Variants in NAALADL2 observed in about 807,000 individuals in gnomAD.
NAALADL2 encodes the protein N-acetylated alpha-linked acidic dipeptidase like 2.
A neutral mutation model predicts 87.2 loss-of-function variants in NAALADL2; 76 were observed. That is an observed-to-expected ratio of 0.87 (90% CI 0.72 to 1.05). The LOEUF (loss-of-function observed/expected upper bound fraction) is 1.05, where lower values mean the gene tolerates loss of function less well. Among genes scored for constraint, NAALADL2 ranks in the 50% least tolerant of loss-of-function variants. The pLI is 0.00. For synonymous variants in NAALADL2, 354 were observed against 331.0 expected (o/e 1.07, Z -0.75); for missense variants, 1,089 against 945.8 (o/e 1.15, Z -1.99).
intron 4 of NAALADL2, among the ~76,000 whole-genome samples, chr3:175,279,160 G>A (rs1753963692): frequency 6.6e-6 from 1 of 152,146 alleles, no homozygotes; most frequent in Non-Finnish European, 1.5e-5. Context: ...TAATGCGCCT[G>A]ACAGTGACAA....
chr3:174,974,008 A>G (rs1744040566), intron 1 of NAALADL2, among the ~76,000 whole-genome samples: 1 of 152,092 alleles, frequency 6.6e-6, no homozygotes, highest in Admixed American at 6.6e-5. Flanking sequence ...CACCCAGTGG[A>G]TTTTTCTACA....
chr3:174,792,037 T>C (rs1578948502), intron 3 of NAALADL2, among the ~76,000 whole-genome samples: 1 of 151,616 alleles, frequency 6.6e-6, no homozygotes, highest in Non-Finnish European at 1.5e-5. Flanking sequence ...GGTGAAACTC[T>C]ATCTCTACTA....
rs897441594 is a variant in NAALADL2 at position 174,879,671 on chromosome 3, AT to A, written c.43+20229del. On this transcript the variant is annotated intron_variant, in intron 1 of 13. Coordinates refer to ENST00000454872, the MANE Select transcript of NAALADL2 (RefSeq NM_207015.3). ...ACTTCAGGTGAATGAGATATTCATA[AT>A]TTTTTTTGGCCTCACTACTCATCTC... Among the ~76,000 whole-genome samples, 444 of 151,860 alleles carry A rather than the reference AT, an allele frequency of 2.9e-3. 2 individuals carry two copies. The highest frequency in any genetic ancestry group is 0.01 in the African/African-American group (428 of 41,476).
intron 1 of NAALADL2, among the ~76,000 whole-genome samples, chr3:174,526,567 C>T (rs1560031565): frequency 6.6e-6 from 1 of 151,996 alleles, no homozygotes; most frequent in Non-Finnish European, 1.5e-5. Flanking sequence ...GAATCACTTT[C>T]ATAATTTTTC....
chr3:174,793,716 C>T (rs1347024454), intron 3 of NAALADL2, among the ~76,000 whole-genome samples: 2 of 151,944 alleles, frequency 1.3e-5, no homozygotes, highest in Middle Eastern at 3.2e-3. Context: ...ATTCCCGTGG[C>T]TATCTCTCTC....
Position 175,803,015 on chromosome 3 carries a change from T to C in NAALADL2, c.2200T>C (p.Tyr734His). The C allele has an allele frequency of 6.2e-7, 1 of 1,609,564 alleles. No individual in the cohort carries two copies. Among genetic ancestry groups the C allele is most frequent in the Non-Finnish European group, 8.5e-7 (1 of 1,176,576 alleles). Residue 734 changes from tyrosine to histidine, a missense_variant, in exon 14 of 14, where the codon TAC (tyrosine) becomes CAC (histidine). Coordinates refer to ENST00000454872, the MANE Select transcript of NAALADL2 (RefSeq NM_207015.3). ...TGTATTTCTTTTCAGAAACATCCTC[T>C]ACCACCTTGATGAAAAGACAAGCCG... ...APPGFYRNILYHLDEKTSRFS... is the reference protein window; with the variant it reads ...APPGFYRNILHHLDEKTSRFS...
intron 11 of NAALADL2, among the ~76,000 whole-genome samples, chr3:175,633,790 T>C (rs1055345590): frequency 5.9e-5 from 9 of 151,666 alleles, no homozygotes; most frequent in Non-Finnish European, 8.9e-5. Context: ...ATTAATGATA[T>C]AGGGCTTTCA....
chr3:175,702,164 A>G (rs1032363976), intron 11 of NAALADL2, among the ~76,000 whole-genome samples: 1 of 152,200 alleles, frequency 6.6e-6, no homozygotes, highest in Non-Finnish European at 1.5e-5. Flanking sequence ...AAAAAGAAAC[A>G]CAAAGTTAAT....
chr3:174,591,857 T>A (rs1717393721), intron 2 of NAALADL2, among the ~76,000 whole-genome samples: 1 of 152,130 alleles, frequency 6.6e-6, no homozygotes, highest in Non-Finnish European at 1.5e-5. Context: ...TGTTTTGGAT[T>A]TTTGTTTATT....
intron 3 of NAALADL2, among the ~76,000 whole-genome samples, chr3:174,800,215 A>C (rs932402306): frequency 3.3e-5 from 5 of 152,166 alleles, no homozygotes; most frequent in Admixed American, 2.6e-4. Context: ...CACCAAGACG[A>C]TGGAGAAAAT....
At chr3:175,011,005 C>G (rs758001543) in intron 1 of NAALADL2, among the ~76,000 whole-genome samples, 18 of 152,026 alleles carry the variant, frequency 1.2e-4, no homozygotes, top group Non-Finnish European at 2.2e-4. Flanking sequence ...AATCTAGGTA[C>G]TCCTATCAGA....
In NAALADL2 at chr3:175,226,168, G is replaced by C. The variant is rs913509320; in HGVS notation, c.546-7763G>C. On this transcript the variant is annotated intron_variant, in intron 2 of 13. Transcript: ENST00000454872. The stretch of plus-strand genomic sequence containing the variant: ...GCAGGCAGATATGTACCATATTTTC[G>C]TTGATCAGAAGAGGAGAGACTATTA... Among the ~76,000 whole-genome samples the C allele has an allele frequency of 2.6e-5, 4 of 152,140 alleles. No individual in the cohort carries two copies. In the East Asian group the frequency reaches 5.8e-4, roughly 22 times the overall value.
At chr3:175,267,146 C>T (rs1312602845) in intron 4 of NAALADL2, among the ~76,000 whole-genome samples, 1 of 151,806 alleles carries the variant, frequency 6.6e-6, no homozygotes, top group African/African-American at 2.4e-5. Context: ...TCAAATCTTT[C>T]CTTACTGAGA....
chr3:175,175,991 G>C (rs376910442), intron 2 of NAALADL2, among the ~76,000 whole-genome samples: 12 of 151,972 alleles, frequency 7.9e-5, no homozygotes, highest in Admixed American at 7.9e-4. Context: ...TATGCTATTC[G>C]TCTGGAAATT....
At chr3:174,922,326 A>T (rs1280580052) in intron 1 of NAALADL2, among the ~76,000 whole-genome samples, 1 of 146,598 alleles carries the variant, frequency 6.8e-6, no homozygotes, top group Non-Finnish European at 1.5e-5. Flanking sequence ...AAAAAAAAAA[A>T]AATTGTCTAT....
intron 2 of NAALADL2, among the ~76,000 whole-genome samples, chr3:174,612,484 T>C (rs1720026907): frequency 6.6e-6 from 1 of 152,258 alleles, no homozygotes; most frequent in South Asian, 2.1e-4. Context: ...TTTTTAATGC[T>C]TTTTTCTTTT....
intron 1 of NAALADL2, among the ~76,000 whole-genome samples, chr3:174,515,702 C>A (rs59001066): frequency 0.026 from 3,834 of 144,772 alleles, 158 homozygotes; most frequent in African/African-American, 0.08. Context: ...AAAAAAAAAA[C>A]CCCTTAAAGG....
chr3:175,759,288 G>A (rs1390104102), intron 13 of NAALADL2, among the ~76,000 whole-genome samples: 1 of 151,172 alleles, frequency 6.6e-6, no homozygotes, highest in Non-Finnish European at 1.5e-5. Flanking sequence ...GAATACTACA[G>A]CCAAAAAGTA....
At chr3:175,237,930 A>G (rs1581058697) in intron 3 of NAALADL2, among the ~76,000 whole-genome samples, 1 of 152,208 alleles carries the variant, frequency 6.6e-6, no homozygotes, top group East Asian at 1.9e-4. Context: ...TTGTATTGAA[A>G]GAGCCAATTT....
Sources: gnomAD v4.1 joint callset for allele counts (sites outside exome capture counted in the v4.1 genomes callset) on GRCh38, gnomAD v4.1.1 for gene constraint, MANE v1.5 for transcripts, NCBI Gene and HGNC (gene_info 2026-07-23, HGNC 2026-07-21) for gene names.